PIGL: variants seen among roughly 807,000 people sequenced by gnomAD.
PIGL encodes the protein N-acetylglucosaminyl-phosphatidylinositol de-N-acetylase.
In PIGL, 22 loss-of-function variants were observed where a neutral mutation model predicts 31.1. The observed-to-expected ratio is 0.71, with a 90% CI of 0.51 to 1.01. PIGL has a LOEUF of 1.01. Ranked by LOEUF, PIGL falls within the 50% of genes least tolerant of loss-of-function variation. PIGL has a pLI of 0.00. For missense variants in PIGL, 302 were observed against 315.9 expected (o/e 0.96, Z 0.33); for synonymous variants, 131 against 117.4 (o/e 1.12, Z -0.75).
At chr17:16,241,136 A>AG in intron 2 of PIGL, among the ~76,000 whole-genome samples, 1 of 149,798 alleles carries the variant, frequency 6.7e-6, no homozygotes, top group Non-Finnish European at 1.5e-5. Flanking sequence ...AAAAAAAAAA[A>AG]GAAGTGGCAG....
chr17:16,290,099 A>ATT lies in PIGL; in HGVS notation c.336-9778_336-9777dup, dbSNP rs1422286365. Among the ~76,000 whole-genome samples the ATT allele has an allele frequency of 3.6e-5, 5 of 140,766 alleles. No individual in the cohort carries two copies. In the South Asian group the frequency reaches 6.8e-4, roughly 19 times the overall value. The allele number at this position is 140,766 out of a possible 152,430, so 92.3% of individuals were successfully genotyped here. ...CCTTCTTTTTTTTCTCTTTTTTTTAATTTTTTTTTTTTGAGACGGAGACTT... is the reference window on the plus strand; with the variant it reads ...CCTTCTTTTTTTTCTCTTTTTTTTAATTTTTTTTTTTTTTGAGACGGAGACTT... On this transcript the variant is annotated intron_variant, in intron 2 of 6. Coordinates refer to ENST00000225609, the MANE Select transcript of PIGL (RefSeq NM_004278.4).
At chr17:16,288,576 G>A (rs1328585945) in intron 2 of PIGL, among the ~76,000 whole-genome samples, 1 of 144,148 alleles carries the variant, frequency 6.9e-6, no homozygotes, top group Non-Finnish European at 1.5e-5. Flanking sequence ...TTTCGCTCTT[G>A]TTGCCCAGGC....
intron 2 of PIGL, among the ~76,000 whole-genome samples, chr17:16,288,000 T>C (rs1174202464): frequency 6.6e-6 from 1 of 152,232 alleles, no homozygotes; most frequent in Non-Finnish European, 1.5e-5. Flanking sequence ...GCAAGTTACC[T>C]TCTTCTTGAG....
intron 1 of PIGL, among the ~76,000 whole-genome samples, chr17:16,233,089 G>C (rs2092685664): frequency 6.6e-6 from 1 of 150,678 alleles, no homozygotes; most frequent in Non-Finnish European, 1.5e-5. Flanking sequence ...ACTCCAGCCA[G>C]GGCGACAGAG....
intron 2 of PIGL, among the ~76,000 whole-genome samples, chr17:16,272,134 AGCTT>A (rs1335588258): frequency 6.6e-6 from 1 of 152,126 alleles, no homozygotes; most frequent in Non-Finnish European, 1.5e-5. Context: ...CCCTACTGTG[AGCTT>A]GCTTATTTCT....
chr17:16,280,672 A>G (rs1006378364), intron 2 of PIGL, among the ~76,000 whole-genome samples: 21 of 152,006 alleles, frequency 1.4e-4, no homozygotes, highest in Non-Finnish European at 1.5e-4. Flanking sequence ...CATAATTTAC[A>G]TTAGGCATTA....
At chr17:16,276,255 A>G (rs985664607) in intron 2 of PIGL, among the ~76,000 whole-genome samples, 1 of 152,224 alleles carries the variant, frequency 6.6e-6, no homozygotes, top group African/African-American at 2.4e-5. Context: ...GCAATTGTTG[A>G]AACCAAGTTG....
chr17:16,229,411 A>G (rs192647793), intron 1 of PIGL, among the ~76,000 whole-genome samples: 24 of 150,342 alleles, frequency 1.6e-4, no homozygotes, highest in East Asian at 5.9e-4. Context: ...GTTATTTCCA[A>G]TTTGGGGCTA....
chr17:16,285,987 G>C (rs867380026), intron 2 of PIGL, among the ~76,000 whole-genome samples: 1 of 152,210 alleles, frequency 6.6e-6, no homozygotes, highest in African/African-American at 2.4e-5. Context: ...AGTGGCCCTT[G>C]GGGGGCGATA....
intron 3 of PIGL, chr17:16,312,865 G>A (rs1361634795): frequency 1.3e-5 from 2 of 150,066 alleles, no homozygotes; most frequent in African/African-American, 4.9e-5. Flanking sequence ...AGCCGAGATG[G>A]CAGCAGTACA....
At chr17:16,243,110 G>A (rs1409510873) in intron 2 of PIGL, among the ~76,000 whole-genome samples, 1 of 152,130 alleles carries the variant, frequency 6.6e-6, no homozygotes, top group Admixed American at 6.5e-5. Context: ...GAATGCAGTG[G>A]TGCAATCTTG....
At chr17:16,294,115 T>C (rs1600834066) in intron 2 of PIGL, among the ~76,000 whole-genome samples, 1 of 152,052 alleles carries the variant, frequency 6.6e-6, no homozygotes, top group African/African-American at 2.4e-5. Flanking sequence ...TGATAGTGGG[T>C]GAGATCAATC....
At chr17:16,291,780 A>G (rs1045597251) in intron 2 of PIGL, among the ~76,000 whole-genome samples, 6 of 148,962 alleles carry the variant, frequency 4.0e-5, no homozygotes, top group Non-Finnish European at 8.9e-5. Context: ...CAGAAGAATC[A>G]CTTGAATCTG....
intron 2 of PIGL, among the ~76,000 whole-genome samples, chr17:16,235,716 G>C (rs2092696962): frequency 6.8e-6 from 1 of 148,018 alleles, no homozygotes. Flanking sequence ...GCCTCCCAAA[G>C]TGCTGTGATT....
At chr17:16,246,672 C>CTTTTTTTTTT (rs1197171634) in intron 2 of PIGL, among the ~76,000 whole-genome samples, 6 of 64,162 alleles carry the variant, frequency 9.4e-5, no homozygotes, top group African/African-American at 2.3e-4. Flanking sequence ...AGATCAAGGT[C>CTTTTTTTTTT]TTTTTTTTTT....
intron 3 of PIGL, among the ~76,000 whole-genome samples, chr17:16,309,867 C>G (rs966250106): frequency 2.6e-5 from 4 of 152,086 alleles, no homozygotes; most frequent in African/African-American, 9.7e-5. Flanking sequence ...TAACTTTAGT[C>G]AGGAGTTTGA....
At chr17:16,298,821 A>C (rs146988994) in intron 2 of PIGL, among the ~76,000 whole-genome samples, 4,823 of 150,660 alleles carry the variant, frequency 0.032, 255 homozygotes, top group African/African-American at 0.11. Context: ...TGAGGTCAGG[A>C]GTTCAAGACC....
At chr17:16,318,561 G>A (rs1021008380) in intron 6 of PIGL, among the ~76,000 whole-genome samples, 1 of 151,884 alleles carries the variant, frequency 6.6e-6, no homozygotes, top group African/African-American at 2.4e-5. Context: ...ATGATCCACT[G>A]TGCCCAGCCC....
chr17:16,217,308 A>G lies in PIGL; in HGVS notation c.82A>G (p.Met28Val), dbSNP rs780701055. ...FLWVWDSSER[M>V]KSREQGGRLG... ...CTGGGTTTGGGACTCCTCAGAACGA[A>G]TGAAGAGTCGGGAGCAGGGAGGACG... is the stretch of plus-strand genomic sequence containing the variant. Residue 28 changes from methionine to valine, a missense_variant, in exon 1 of 7, where the codon ATG becomes GTG. Physicochemically the swap from Met to Val is conservative, Grantham distance 21. Transcript: ENST00000225609. 10 of 1,614,162 alleles carry G rather than the reference A, an allele frequency of 6.2e-6. No homozygotes were observed. The highest frequency in any genetic ancestry group is 8.5e-6 in the Non-Finnish European group (10 of 1,180,028).
Sources: allele counts gnomAD v4.1 joint callset (sites outside exome capture counted in the v4.1 genomes callset), GRCh38; gene constraint gnomAD v4.1.1; transcripts MANE v1.5; gene names NCBI Gene and HGNC (gene_info 2026-07-23, HGNC 2026-07-21).